NDC1: variants seen among roughly 807,000 people sequenced by gnomAD.
NDC1 encodes the protein nucleoporin NDC1.
NDC1 carries 24 observed loss-of-function variants against 89.8 expected under a neutral mutation model. The ratio of observed to expected loss-of-function variants is 0.27; its 90% CI spans 0.19 to 0.38. NDC1 has a LOEUF of 0.38. Ranked by LOEUF, NDC1 falls within the 10% of genes least tolerant of loss-of-function variation. The pLI, the probability that NDC1 is intolerant of heterozygous loss-of-function variation, is 1.00. For synonymous variants in NDC1, 296 were observed against 284.8 expected, an observed-to-expected ratio of 1.04 and a Z score of -0.39; for missense variants, 728 against 797.6, an observed-to-expected ratio of 0.91 and a Z score of 1.05.
chr1:53,783,996 T>C (rs78244644), intron 16 of NDC1, among the ~76,000 whole-genome samples: 24 of 152,326 alleles, frequency 1.6e-4, no homozygotes, highest in African/African-American at 5.8e-4. Context: ...AACAGATTGC[T>C]TTCCTTCTAA....
chr1:53,803,982 G>A lies in NDC1; in HGVS notation c.1012C>T (p.Leu338Phe). Reference sequence around the variant, plus strand: ...CTTCGTGAAGGAGAATATTGAGAAAGCAACATCAGGTCCTGCAAGGCTAAA... The same window carrying A: ...CTTCGTGAAGGAGAATATTGAGAAAACAACATCAGGTCCTGCAAGGCTAAA... Reference protein sequence around the residue: ...KYLALQDLMLLSQYSPSRRQE... With the variant: ...KYLALQDLMLFSQYSPSRRQE... The change falls in exon 10 of 18, where the codon CTT becomes TTT. Residue 338 changes from leucine to phenylalanine, a missense_variant. Transcript: ENST00000371429. 6.2e-7 allele frequency: 1 copy of A among 1,613,982 alleles called. No individual in the cohort carries two copies. Among genetic ancestry groups the A allele is most frequent in the Admixed American group, 1.7e-5 (1 of 60,006 alleles).
At chr1:53,831,103 T>C (rs531747151) in intron 3 of NDC1, among the ~76,000 whole-genome samples, 1 of 151,792 alleles carries the variant, frequency 6.6e-6, no homozygotes, top group African/African-American at 2.4e-5. Flanking sequence ...CGGGTGCCTG[T>C]AGTCCCAGCT....
rs1164675218 is a variant in NDC1 at position 53,807,710 on chromosome 1, A to G, written c.837T>C (p.Phe279=). ...LLYHVWLCGV[F]LLTTWYVSWI... is the part of the protein sequence containing the mutation. ...ATGAGACATACCAAGTCGTCAGGAG[A>G]AAGACACCACACAGCCAGACATGGT... The change falls in exon 8 of 18, where the codon TTT becomes TTC. Residue 279 remains phenylalanine (F), a synonymous_variant. Coordinates refer to ENST00000371429, the MANE Select transcript of NDC1 (RefSeq NM_018087.5). The G allele has an allele frequency of 6.2e-7, 1 of 1,613,788 alleles. No homozygotes were observed. Among genetic ancestry groups the G allele is most frequent in the Non-Finnish European group, 8.5e-7 (1 of 1,179,704 alleles).
chr1:53,803,974 T>C lies in NDC1; in HGVS notation c.1020A>G (p.Gln340=), dbSNP rs1053487314. The change falls in exon 10 of 18, where the codon CAA becomes CAG. Residue 340 remains glutamine (Q), a synonymous_variant. Coordinates refer to ENST00000371429, the MANE Select transcript of NDC1 (RefSeq NM_018087.5). Reference sequence around the variant, plus strand: ...CTTCTTGTCTTCGTGAAGGAGAATATTGAGAAAGCAACATCAGGTCCTGCA... The same window carrying C: ...CTTCTTGTCTTCGTGAAGGAGAATACTGAGAAAGCAACATCAGGTCCTGCA... ...LALQDLMLLS[Q]YSPSRRQEVF... is the part of the protein sequence containing the mutation. The C allele has an allele frequency of 3.7e-6, 6 of 1,613,966 alleles. No individual in the cohort carries two copies. The highest frequency in any genetic ancestry group is 1.7e-5 in the Admixed American group (1 of 59,996).
intron 6 of NDC1, among the ~76,000 whole-genome samples, chr1:53,815,514 C>A (rs1006015280): frequency 5.3e-5 from 8 of 152,194 alleles, no homozygotes; most frequent in Admixed American, 5.2e-4. Flanking sequence ...TGGGGAAGAG[C>A]TGAAAGCATT....
At chr1:53,801,001 T>C (rs1020752008) in intron 10 of NDC1, among the ~76,000 whole-genome samples, 153 bp from the exon 11 acceptor site, 2 of 150,142 alleles carry the variant, frequency 1.3e-5, no homozygotes, top group African/African-American at 4.9e-5. Flanking sequence ...TGACATCTAA[T>C]ACACAGCAGG....
At chr1:53,781,562 T>C (rs1647207318) in intron 16 of NDC1, among the ~76,000 whole-genome samples, 1 of 152,204 alleles carries the variant, frequency 6.6e-6, no homozygotes. Context: ...TTTCACATTT[T>C]GCCTTTAATG....
chr1:53,782,498 C>T (rs1647220678), intron 16 of NDC1, among the ~76,000 whole-genome samples: 1 of 152,122 alleles, frequency 6.6e-6, no homozygotes, highest in African/African-American at 2.4e-5. Flanking sequence ...GGCATATACG[C>T]AAGTCAGGAG....
Position 53,809,745 on chromosome 1 carries a change from G to C in NDC1, c.705C>G (p.Gly235=), listed in dbSNP as rs1648240244. Residue 235 remains glycine (G), a splice_region_variant and synonymous_variant, in exon 7 of 18, where the codon GGC becomes GGG. Coordinates refer to ENST00000371429, the MANE Select transcript of NDC1 (RefSeq NM_018087.5). ...RNFCILYYFL[G]YIPKAWISTA... is the part of the protein sequence containing the mutation. ...TGCTAATCCAAGCTTTGGGAATATA[G>C]CCTGAAGGGAAAAAATACCAAGCTA... 6.2e-7 allele frequency: 1 copy of C among 1,611,244 alleles called. No individual in the cohort carries two copies. Among genetic ancestry groups the C allele is most frequent in the African/African-American group, 1.3e-5 (1 of 74,822 alleles).
At chr1:53,822,988 G>C (rs895579298) in intron 5 of NDC1, among the ~76,000 whole-genome samples, 2 of 152,030 alleles carry the variant, frequency 1.3e-5, no homozygotes, top group African/African-American at 4.8e-5. Context: ...ACATGGAAAG[G>C]TGAAACACTT....
Position 53,800,748 on chromosome 1 carries a change from C to A in NDC1, c.1167G>T (p.Thr389=). Residue 389 remains threonine, a synonymous_variant, in exon 11 of 18, where the codon ACG becomes ACT. Transcript: ENST00000371429. ...GGTAAGATGAAGACACTCTCCCATT[C>A]GTAGCAGCAGCTTCTTGATAGAGAA... ...KLILYQEAAA[T]NGRVSSSYPV... 6.2e-7 allele frequency: 1 copy of A among 1,614,094 alleles called. No homozygotes were observed. Among genetic ancestry groups the A allele is most frequent in the South Asian group, 1.1e-5 (1 of 91,078 alleles).
chr1:53,804,978 T>C, intron 9 of NDC1, among the ~76,000 whole-genome samples: 1 of 152,196 alleles, frequency 6.6e-6, no homozygotes. Flanking sequence ...TATGTCTTAT[T>C]CATCATTCTA....
chr1:53,791,858 A>C (rs193122247), intron 14 of NDC1, among the ~76,000 whole-genome samples: 115 of 152,292 alleles, frequency 7.6e-4, no homozygotes, highest in African/African-American at 2.5e-3. Context: ...ATCTCACAGG[A>C]ATGCTGTTAG....
rs767668725 is a variant in NDC1 at position 53,832,564 on chromosome 1, T to C, written c.206A>G (p.Tyr69Cys). ...SDSFSDLYSS[Y>C]VIFYFLLLSV... ...CAGCAGCAGGAAGTAAAAGATTACA[T>C]AGGAACTATACAGGTCACTGAAAGA... Residue 69 changes from tyrosine to cysteine, a missense_variant, in exon 3 of 18, where the codon TAT becomes TGT. Coordinates refer to ENST00000371429, the MANE Select transcript of NDC1 (RefSeq NM_018087.5). The C allele has an allele frequency of 9.4e-6, 15 of 1,589,188 alleles. No individual in the cohort carries two copies. The highest frequency in any genetic ancestry group is 2.7e-5 in the African/African-American group (2 of 74,378).
intron 3 of NDC1, among the ~76,000 whole-genome samples, chr1:53,830,196 G>C (rs1649008608): frequency 6.6e-6 from 1 of 151,314 alleles, no homozygotes. Context: ...GCTCACACCT[G>C]TAATCACAGC....
intron 13 of NDC1, among the ~76,000 whole-genome samples, chr1:53,795,833 A>T (rs901464907): frequency 6.6e-6 from 1 of 152,194 alleles, no homozygotes; most frequent in African/African-American, 2.4e-5. Flanking sequence ...AAGTTACATC[A>T]TATCATTCTT....
chr1:53,773,749 C>T (rs1457897398), intron 16 of NDC1, among the ~76,000 whole-genome samples: 1 of 150,232 alleles, frequency 6.7e-6, no homozygotes, highest in Non-Finnish European at 1.5e-5. Context: ...GGGCCTGCCC[C>T]AGTGTTCTGA....
rs1412944692 is a variant in NDC1, at chr1:53,799,525, G to T, written c.1222+1168C>A. Among the ~76,000 whole-genome samples, 6 of 152,150 alleles carry T rather than the reference G, an allele frequency of 3.9e-5. No individual in the cohort carries two copies. In the East Asian group the frequency reaches 1.2e-3, roughly 29 times the overall value. On this transcript the variant is annotated intron_variant, in intron 11 of 17. Coordinates refer to ENST00000371429, the MANE Select transcript of NDC1 (RefSeq NM_018087.5). ...TTTTGAAACTAGATGAGTTTGCTTT[G>T]ATCTATATAGTGATTTTTAAATATC... is the stretch of plus-strand genomic sequence containing the variant.
rs550200525 is a variant in NDC1 at position 53,806,798 on chromosome 1, A to G, written c.892-281T>C. ...ACAAACCTACGGAGATTGTAAAATA[A>G]AACAGAAACACTAATTTTCTAAGAC... On this transcript the variant is annotated intron_variant, in intron 8 of 17. Transcript: ENST00000371429. Among the ~76,000 whole-genome samples the G allele has an allele frequency of 2.0e-5, 3 of 152,330 alleles. No homozygotes were observed. In the South Asian group the frequency reaches 6.2e-4, roughly 32 times the overall value.
Sources: allele counts gnomAD v4.1 joint callset (sites outside exome capture counted in the v4.1 genomes callset), GRCh38; gene constraint gnomAD v4.1.1; transcripts MANE v1.5; gene names NCBI Gene and HGNC (gene_info 2026-07-23, HGNC 2026-07-21).